The following VWA8 variants were observed in gnomAD, a reference collection of about 807,000 sequenced individuals.
The protein encoded by VWA8 is von Willebrand factor A domain-containing protein 8.
Under a neutral mutation model 241.5 loss-of-function variants are expected in VWA8, and 221 were observed. That is an observed-to-expected ratio of 0.91 (90% CI 0.82 to 1.02). VWA8 has a LOEUF of 1.02. Ranked by LOEUF, VWA8 falls within the 50% of genes least tolerant of loss-of-function variation. The pLI, the probability that VWA8 is intolerant of heterozygous loss-of-function variation, is 0.00. For missense variants in VWA8, 2,322 were observed against 2,328.7 expected (o/e 1.00, Z 0.06); for synonymous variants, 852 against 827.1 (o/e 1.03, Z -0.52).
At chr13:41,837,754 G>C (rs1417053118) in intron 12 of VWA8, among the ~76,000 whole-genome samples, 6 of 151,954 alleles carry the variant, frequency 3.9e-5, no homozygotes, top group Admixed American at 3.9e-4. Flanking sequence ...TATTCCATAC[G>C]GGCATTTGGG....
In VWA8 at chr13:41,840,684, A is replaced by T. The variant is rs1871956481; in HGVS notation, c.1426-7153T>A. ...TGAGGCACAAGGATCACTTGAGGCC[A>T]GGAGGTGGAGGCTGCAGTGAGCCAA... On this transcript the variant is annotated intron_variant, in intron 12 of 44. Coordinates refer to ENST00000379310, the MANE Select transcript of VWA8 (RefSeq NM_015058.2). Among the ~76,000 whole-genome samples, 5 of 151,706 alleles carry T rather than the reference A, an allele frequency of 3.3e-5. No homozygotes were observed. In the South Asian group the frequency reaches 1.0e-3, roughly 32 times the overall value.
intron 37 of VWA8, among the ~76,000 whole-genome samples, chr13:41,631,572 G>A (rs1239976314): frequency 6.6e-6 from 1 of 152,028 alleles, no homozygotes; most frequent in East Asian, 1.9e-4. Context: ...TAAAATTATA[G>A]GCTCGTAGAA....
rs112972272 is a variant in VWA8, at chr13:41,742,967, A to G, written c.2427-10812T>C. On this transcript the variant is annotated intron_variant, in intron 21 of 44. Coordinates refer to ENST00000379310, the MANE Select transcript of VWA8 (RefSeq NM_015058.2). ...ATCTAAGATATTTTCTTAGAGGAAA[A>G]CACTTTGATTTTCATTTTGAAGATA... is the stretch of plus-strand genomic sequence containing the variant. 6.1e-3 allele frequency among the ~76,000 whole-genome samples: 931 copies of G among 152,310 alleles called. 7 individuals carry two copies. The highest frequency in any genetic ancestry group is 0.021 in the African/African-American group (889 of 41,570).
intron 21 of VWA8, among the ~76,000 whole-genome samples, chr13:41,745,955 T>C (rs2045602804): frequency 6.6e-6 from 1 of 152,134 alleles, no homozygotes; most frequent in Non-Finnish European, 1.5e-5. Flanking sequence ...AAAATTTTGC[T>C]TTACAAGTGA....
At chr13:41,893,093 C>G (rs1874922517) in intron 4 of VWA8, among the ~76,000 whole-genome samples, 1 of 151,964 alleles carries the variant, frequency 6.6e-6, no homozygotes, top group Non-Finnish European at 1.5e-5. Context: ...TAGTAATTGT[C>G]CAAAAAAAGG....
chr13:41,736,355 G>C (rs1159340616), intron 21 of VWA8, among the ~76,000 whole-genome samples: 1 of 152,040 alleles, frequency 6.6e-6, no homozygotes, highest in Admixed American at 6.5e-5. Flanking sequence ...TTAAAAATTA[G>C]AGTTATATTT....
chr13:41,698,459 T>C (rs545193858), intron 29 of VWA8, among the ~76,000 whole-genome samples: 1 of 152,288 alleles, frequency 6.6e-6, no homozygotes, highest in South Asian at 2.1e-4. Flanking sequence ...CATCTGTGCT[T>C]GTCACTAGTA....
intron 26 of VWA8, among the ~76,000 whole-genome samples, chr13:41,715,639 CTA>C (rs1211423874): frequency 6.6e-6 from 1 of 151,986 alleles, no homozygotes; most frequent in Non-Finnish European, 1.5e-5. Context: ...TTATAGTTGT[CTA>C]TACTGAAGTA....
intron 12 of VWA8, among the ~76,000 whole-genome samples, chr13:41,857,467 A>T (rs996629016): frequency 6.6e-6 from 1 of 152,182 alleles, no homozygotes; most frequent in East Asian, 1.9e-4. Flanking sequence ...AATTTAATTT[A>T]TAAAATTCCC....
chr13:41,573,480 A>ATAAATAAATAAAT (rs1236419922), intron 43 of VWA8, among the ~76,000 whole-genome samples: 5 of 112,468 alleles, frequency 4.4e-5, no homozygotes, highest in African/African-American at 2.2e-4. Flanking sequence ...AGTTTAAAAA[A>ATAAATAAATAAAT]AAAAAAATAT....
At chr13:41,673,777 A>G (rs1188414945) in intron 36 of VWA8, among the ~76,000 whole-genome samples, 1 of 152,206 alleles carries the variant, frequency 6.6e-6, no homozygotes, top group African/African-American at 2.4e-5. Flanking sequence ...TGGACAGTGC[A>G]GCCCTAACTG....
At chr13:41,907,348 G>T (rs968471457) in intron 4 of VWA8, among the ~76,000 whole-genome samples, 1 of 152,172 alleles carries the variant, frequency 6.6e-6, no homozygotes, top group South Asian at 2.1e-4. Flanking sequence ...TATGAAATCA[G>T]CACATTGATC....
At chr13:41,699,321 T>C (rs1413993137) in intron 28 of VWA8, 51 bp from the exon 29 acceptor site, 5 of 1,577,622 alleles carry the variant, frequency 3.2e-6, no homozygotes, top group Admixed American at 1.7e-5. Flanking sequence ...AATTCTCTAA[T>C]TGGCCAAGAG....
intron 2 of VWA8, among the ~76,000 whole-genome samples, chr13:41,928,240 A>G (rs1055344771): frequency 6.6e-6 from 1 of 152,198 alleles, no homozygotes; most frequent in African/African-American, 2.4e-5. Context: ...ATTGCACCTT[A>G]GACCAAATAA....
At chr13:41,619,278 A>G (rs938685946) in intron 37 of VWA8, among the ~76,000 whole-genome samples, 3 of 152,140 alleles carry the variant, frequency 2.0e-5, no homozygotes, top group East Asian at 1.9e-4. Flanking sequence ...TTTGTCTGCT[A>G]TTGGTGTATA....
At chr13:41,858,220 A>G (rs1872844123) in intron 12 of VWA8, among the ~76,000 whole-genome samples, 1 of 152,198 alleles carries the variant, frequency 6.6e-6, no homozygotes, top group Non-Finnish European at 1.5e-5. Flanking sequence ...ACTAATACAG[A>G]CACTAAAGTT....
At chr13:41,907,800 G>A in intron 3 of VWA8, 104 bp from the exon 4 acceptor site, 1 of 911,494 alleles carries the variant, frequency 1.1e-6, no homozygotes, top group Non-Finnish European at 1.7e-6. Flanking sequence ...GAAGTGCATT[G>A]TTAAACCTAA....
At chr13:41,703,515 G>T in intron 26 of VWA8, 104 bp from the exon 27 acceptor site, 2 of 920,388 alleles carry the variant, frequency 2.2e-6, no homozygotes, top group Middle Eastern at 2.2e-4. Flanking sequence ...TTTGAAGAGT[G>T]CTTTACTTAG....
intron 10 of VWA8, 110 bp downstream of exon 10, chr13:41,868,236 G>T: frequency 1.6e-6 from 2 of 1,229,000 alleles, no homozygotes; most frequent in Non-Finnish European, 2.3e-6. Flanking sequence ...ACCGACAGAA[G>T]CAGTACTATC....
Sources: allele counts gnomAD v4.1 joint callset (sites outside exome capture counted in the v4.1 genomes callset), GRCh38; gene constraint gnomAD v4.1.1; transcripts MANE v1.5; gene names NCBI Gene and HGNC (gene_info 2026-07-23, HGNC 2026-07-21).